The following DHRS9 variants were observed in gnomAD, a reference collection of about 807,000 sequenced individuals.
DHRS9 encodes the protein dehydrogenase/reductase 9.
In DHRS9, 18 loss-of-function variants were observed where a neutral mutation model predicts 26.6. The observed-to-expected ratio is 0.68, with a 90% CI of 0.47 to 1.00. The LOEUF (loss-of-function observed/expected upper bound fraction) is 1.00, where lower values mean the gene tolerates loss of function less well. DHRS9 is among the 50% of genes least tolerant of loss of function. The pLI, the probability that DHRS9 is intolerant of heterozygous loss-of-function variation, is 0.00. For missense variants in DHRS9, 425 were observed against 378.7 expected (o/e 1.12, Z -1.01); for synonymous variants, 134 against 141.1 (o/e 0.95, Z 0.36).
chr2:169,083,203 T>A (rs1275508271), intron 2 of DHRS9, 126 bp from the exon 3 acceptor site: 13 of 1,263,058 alleles, frequency 1.0e-5, no homozygotes, highest in Non-Finnish European at 1.3e-5. Context: ...TGCGAAGTAT[T>A]TCAGAGTAGG....
chr2:169,081,068 G>A, intron 1 of DHRS9: 1 of 906,932 alleles, frequency 1.1e-6, no homozygotes. Context: ...ATAATTGGGA[G>A]TCTGACAGAA....
In DHRS9 at chr2:169,081,835, C is replaced by T. The variant is rs2105291224; in HGVS notation, c.254C>T (p.Thr85Ile). The part of the protein sequence containing the change: ...ERLRTVLLDV[T>I]DPENVKRTAQ... ...CTTCGTACTGTGCTTCTGGATGTGA[C>T]CGACCCAGAGAATGTCAAGAGGACT... The change falls in exon 2 of 5, where the codon ACC becomes ATC. Residue 85 changes from threonine (T) to isoleucine (I), a missense_variant. Transcript: ENST00000674881. The T allele has an allele frequency of 1.2e-6, 2 of 1,613,848 alleles. No homozygotes were observed. Among genetic ancestry groups the T allele is most frequent in the Non-Finnish European group, 1.7e-6 (2 of 1,179,924 alleles).
chr2:169,068,358 C>T (rs1261513271), upstream of DHRS9, among the ~76,000 whole-genome samples: 2 of 152,186 alleles, frequency 1.3e-5, no homozygotes, highest in African/African-American at 4.8e-5. Flanking sequence ...GACGGAGTCT[C>T]ACGCTGTTAC....
rs190436584 is a variant in DHRS9 at position 169,070,837 on chromosome 2, G to A, written c.-60+1120G>A. 7.3e-4 allele frequency: 518 copies of A among 713,232 alleles called. 2 individuals are homozygous for A. The African/African-American group carries it at 7.4e-3, about 10-fold the overall frequency. 44.2% of individuals were successfully genotyped at this position (713,232 alleles called of 1,614,324 possible). On this transcript the variant is annotated intron_variant, in intron 1 of 4. Transcript: ENST00000674881. ...CCCAGCACTTTGGGAGGCCGAGGCC[G>A]GCGGATCACAAGGTCAGGAGATCGA...
intron 1 of DHRS9, among the ~76,000 whole-genome samples, chr2:169,079,961 G>GAT: frequency 1.0e-5 from 1 of 99,680 alleles, no homozygotes; most frequent in South Asian, 3.9e-4. Flanking sequence ...GAGAGAGAGA[G>GAT]AGAGAGAGAG....
rs528591452 is a variant in DHRS9, at chr2:169,094,864, C to G, written c.737-680C>G. Among the ~76,000 whole-genome samples the G allele has an allele frequency of 4.6e-5, 7 of 152,276 alleles. No individual in the cohort carries two copies. In the South Asian group the frequency reaches 1.5e-3, roughly 32 times the overall value. On this transcript the variant is annotated intron_variant, in intron 4 of 4. Coordinates refer to ENST00000674881, the MANE Select transcript of DHRS9 (RefSeq NM_001376924.1). ...CACTAATCCCTTGTAAAATCCCTGCCTCTCTAAAGGTATCTTCGCTCATTA... is the reference window on the plus strand; with the variant it reads ...CACTAATCCCTTGTAAAATCCCTGCGTCTCTAAAGGTATCTTCGCTCATTA...
At chr2:169,089,192 A>G (rs987552247) in intron 3 of DHRS9, among the ~76,000 whole-genome samples, 1 of 152,232 alleles carries the variant, frequency 6.6e-6, no homozygotes, top group Non-Finnish European at 1.5e-5. Flanking sequence ...TAATGACAGT[A>G]GGTGTATTTC....
chr2:169,075,626 T>A (rs1384360100), intron 1 of DHRS9, among the ~76,000 whole-genome samples: 2 of 152,190 alleles, frequency 1.3e-5, no homozygotes, highest in African/African-American at 4.8e-5. Context: ...TGATCCAGGA[T>A]CACATATTGC....
intron 1 of DHRS9, among the ~76,000 whole-genome samples, chr2:169,077,302 T>G (rs950156160): frequency 1.3e-5 from 2 of 152,154 alleles, no homozygotes; most frequent in Non-Finnish European, 2.9e-5. Flanking sequence ...ACCTCAGAAG[T>G]GAGAATAACT....
At chr2:169,092,689 C>T (rs918283915) in intron 4 of DHRS9, among the ~76,000 whole-genome samples, 2 of 152,224 alleles carry the variant, frequency 1.3e-5, no homozygotes, top group East Asian at 1.9e-4. Context: ...GGAGCAGGAA[C>T]ACATGGAGGA....
At chr2:169,095,428 T>C (rs1684662201) in intron 4 of DHRS9, 116 bp from the exon 5 acceptor site, 2 of 817,042 alleles carry the variant, frequency 2.4e-6, no homozygotes, top group African/African-American at 3.4e-5. Flanking sequence ...TGAGCCTCAA[T>C]TATAATGGAC....
intron 3 of DHRS9, among the ~76,000 whole-genome samples, chr2:169,083,936 T>C (rs1009958518): frequency 1.3e-5 from 2 of 152,200 alleles, no homozygotes; most frequent in African/African-American, 4.8e-5. Flanking sequence ...ATCTTATTCA[T>C]TCCATCTAGT....
intron 1 of DHRS9, chr2:169,074,347 G>A: frequency 4.1e-6 from 4 of 985,404 alleles, no homozygotes; most frequent in Non-Finnish European, 4.8e-6. Flanking sequence ...TTGCTTCTGA[G>A]GTCTGGGCTC....
At chr2:169,079,860 T>TGAAA (rs1228654391) in intron 1 of DHRS9, among the ~76,000 whole-genome samples, 27 of 110,508 alleles carry the variant, frequency 2.4e-4, no homozygotes, top group East Asian at 1.6e-3. Flanking sequence ...AAATTCCATC[T>TGAAA]GAAAGAAAGA....
chr2:169,074,419 C>T (rs1016051107), intron 1 of DHRS9: 41 of 985,358 alleles, frequency 4.2e-5, no homozygotes, highest in East Asian at 2.3e-4. Flanking sequence ...ATTTGTTGTG[C>T]GATAAATTGG....
chr2:169,069,562 T>G (rs1683739485), upstream of DHRS9: 3 of 985,258 alleles, frequency 3.0e-6, no homozygotes, highest in South Asian at 1.4e-4. Flanking sequence ...ACACATGTAG[T>G]ACTCAGAGCT....
intron 3 of DHRS9, among the ~76,000 whole-genome samples, chr2:169,087,213 T>A (rs1405401604): frequency 6.6e-6 from 1 of 152,022 alleles, no homozygotes; most frequent in Admixed American, 6.5e-5. Flanking sequence ...CTTTCCCACT[T>A]TTCCCTCCCC....
chr2:169,072,125 T>C (rs967478567), intron 1 of DHRS9, among the ~76,000 whole-genome samples: 1 of 151,890 alleles, frequency 6.6e-6, no homozygotes, highest in Non-Finnish European at 1.5e-5. Flanking sequence ...AATATTCAAA[T>C]ATACAAGAGG....
intron 4 of DHRS9, among the ~76,000 whole-genome samples, chr2:169,092,384 G>A (rs1397522521): frequency 6.6e-6 from 1 of 152,116 alleles, no homozygotes; most frequent in Non-Finnish European, 1.5e-5. Context: ...GATTTATGGT[G>A]GTTACAAAAG....
Sources: allele counts gnomAD v4.1 joint callset (sites outside exome capture counted in the v4.1 genomes callset), GRCh38; gene constraint gnomAD v4.1.1; transcripts MANE v1.5; gene names NCBI Gene and HGNC (gene_info 2026-07-23, HGNC 2026-07-21).